The following CRTC3 variants were observed in gnomAD, a reference collection of about 807,000 sequenced individuals.
The protein encoded by CRTC3 is CREB-regulated transcription coactivator 3.
CRTC3 carries 26 observed loss-of-function variants against 74.5 expected under a neutral mutation model. The observed-to-expected ratio is 0.35, with a 90% CI of 0.26 to 0.48. The LOEUF is 0.48. Ranked by LOEUF, CRTC3 falls within the 20% of genes least tolerant of loss-of-function variation. The pLI is 0.99. For synonymous variants in CRTC3, 377 were observed against 325.8 expected (o/e 1.16, Z -1.69); for missense variants, 760 against 787.3 (o/e 0.97, Z 0.41).
intron 8 of CRTC3, among the ~76,000 whole-genome samples, chr15:90,619,452 C>T (rs190650051): frequency 2.3e-4 from 35 of 152,210 alleles, no homozygotes; most frequent in African/African-American, 6.0e-4. Context: ...AGTGAAACTC[C>T]GTAAAAAGCT....
At chr15:90,616,657 A>G (rs1166775788) in intron 7 of CRTC3, among the ~76,000 whole-genome samples, 1 of 151,950 alleles carries the variant, frequency 6.6e-6, no homozygotes, top group Non-Finnish European at 1.5e-5. Context: ...AGATCACTTA[A>G]CTCCTGAGGG....
intron 6 of CRTC3, among the ~76,000 whole-genome samples, chr15:90,608,825 A>G (rs1279270908): frequency 6.6e-6 from 1 of 152,228 alleles, no homozygotes; most frequent in African/African-American, 2.4e-5. Flanking sequence ...TGACCTGTAC[A>G]TGAAGTGAGG....
rs547087577 is a variant in CRTC3 at position 90,629,462 on chromosome 15, C to A, written c.1196C>A (p.Pro399His). 2.5e-5 allele frequency: 41 copies of A among 1,614,144 alleles called. No individual in the cohort carries two copies. In the South Asian group the frequency reaches 4.3e-4, roughly 17 times the overall value. ...PVSPLTLSPG[P>H]EAHQGFSRQL... Reference sequence around the variant, plus strand: ...AGCCCTCTCACGCTTTCTCCTGGCCCTGAAGCACATCAAGGTTTCAGCAGA... The same window carrying A: ...AGCCCTCTCACGCTTTCTCCTGGCCATGAAGCACATCAAGGTTTCAGCAGA... Residue 399 changes from proline (P) to histidine (H), a missense_variant, in exon 11 of 15, where the codon CCT becomes CAT. Physicochemically the swap from Pro to His is moderately conservative, Grantham distance 77. Transcript: ENST00000268184.
At chr15:90,613,165 A>T in intron 6 of CRTC3, among the ~76,000 whole-genome samples, 1 of 149,186 alleles carries the variant, frequency 6.7e-6, no homozygotes, top group African/African-American at 2.5e-5. Context: ...CCTGGGCAAC[A>T]AAGTGAGACT....
At chr15:90,629,881 CCTGA>C (rs1371280554) in intron 11 of CRTC3, among the ~76,000 whole-genome samples, 7 of 152,106 alleles carry the variant, frequency 4.6e-5, no homozygotes, top group African/African-American at 1.2e-4. Flanking sequence ...CACCACCATA[CCTGA>C]CTAATTTTTT....
intron 2 of CRTC3, among the ~76,000 whole-genome samples, chr15:90,553,464 C>A (rs572647079): frequency 6.6e-6 from 1 of 152,094 alleles, no homozygotes; most frequent in Non-Finnish European, 1.5e-5. Context: ...ATCATTTTTC[C>A]CTTCCTTTTT....
At chr15:90,609,845 C>T (rs1189022647) in intron 6 of CRTC3, among the ~76,000 whole-genome samples, 1 of 152,152 alleles carries the variant, frequency 6.6e-6, no homozygotes, top group Non-Finnish European at 1.5e-5. Flanking sequence ...GATCAGGGTT[C>T]CTGCGTTGAC....
chr15:90,541,945 C>A (rs1678936306), intron 2 of CRTC3, among the ~76,000 whole-genome samples: 1 of 151,418 alleles, frequency 6.6e-6, no homozygotes, highest in South Asian at 2.1e-4. Context: ...CTACCACGCC[C>A]AGCTAATTTT....
chr15:90,626,139 G>A (rs533382920), intron 10 of CRTC3, 146 bp downstream of exon 10: 5 of 696,956 alleles, frequency 7.2e-6, no homozygotes, highest in South Asian at 3.4e-5. Flanking sequence ...CTGACCCTGC[G>A]GACATTTTTC....
chr15:90,617,803 T>A, intron 7 of CRTC3, 80 bp from the exon 8 acceptor site: 1 of 915,634 alleles, frequency 1.1e-6, no homozygotes, highest in South Asian at 1.3e-5. Flanking sequence ...AGTGCTAGGA[T>A]TATAGGCGTG....
At chr15:90,584,237 C>CT (rs11355776) in intron 2 of CRTC3, among the ~76,000 whole-genome samples, 2,051 of 116,666 alleles carry the variant, frequency 0.018, 64 homozygotes, top group African/African-American at 0.062. Flanking sequence ...TTCACCAACG[C>CT]TTTTTTTTTT....
At chr15:90,632,912 T>C (rs1969093074) in intron 11 of CRTC3, among the ~76,000 whole-genome samples, 2 of 152,126 alleles carry the variant, frequency 1.3e-5, no homozygotes, top group African/African-American at 4.8e-5. Flanking sequence ...CCTAACCATG[T>C]TGTTTTATGC....
intron 1 of CRTC3, among the ~76,000 whole-genome samples, chr15:90,536,456 C>CTGCA (rs1966720665): frequency 6.7e-6 from 1 of 149,620 alleles, no homozygotes; most frequent in Non-Finnish European, 1.5e-5. Flanking sequence ...GATTGTGACA[C>CTGCA]TGCACTCCAG....
At chr15:90,638,142 C>G (rs944628584) in intron 11 of CRTC3, 12 of 279,052 alleles carry the variant, frequency 4.3e-5, no homozygotes, top group Admixed American at 1.0e-4. Context: ...GAAGACACGG[C>G]TATAAAACAA....
chr15:90,575,228 G>T (rs1967375850), intron 2 of CRTC3, among the ~76,000 whole-genome samples: 1 of 152,142 alleles, frequency 6.6e-6, no homozygotes, highest in African/African-American at 2.4e-5. Context: ...GCAGGTGCCT[G>T]CAATTCCAGC....
At chr15:90,545,634 T>G (rs1013795728) in intron 2 of CRTC3, among the ~76,000 whole-genome samples, 3 of 152,014 alleles carry the variant, frequency 2.0e-5, no homozygotes, top group African/African-American at 7.2e-5. Context: ...TGGAGTGCAG[T>G]GGCACGATCT....
chr15:90,536,738 T>C (rs1397069120), intron 1 of CRTC3, among the ~76,000 whole-genome samples: 12 of 151,838 alleles, frequency 7.9e-5, no homozygotes, highest in African/African-American at 2.9e-4. Context: ...GTGAGGCAGG[T>C]AAGGAAAATG....
At chr15:90,568,488 T>A (rs1967177591) in intron 2 of CRTC3, among the ~76,000 whole-genome samples, 1 of 152,058 alleles carries the variant, frequency 6.6e-6, no homozygotes, top group South Asian at 2.1e-4. Flanking sequence ...GTAGCTAGGA[T>A]TACAGGCACA....
chr15:90,548,856 C>T (rs922499252), intron 2 of CRTC3, among the ~76,000 whole-genome samples: 4 of 152,140 alleles, frequency 2.6e-5, no homozygotes, highest in Admixed American at 6.5e-5. Context: ...TAATTCACTA[C>T]GACTGAGCCA....
Sources: allele counts gnomAD v4.1 joint callset (sites outside exome capture counted in the v4.1 genomes callset), GRCh38; gene constraint gnomAD v4.1.1; transcripts MANE v1.5; gene names NCBI Gene and HGNC (gene_info 2026-07-23, HGNC 2026-07-21).